The following AKAP19 variants were observed in gnomAD, a reference collection of about 807,000 sequenced individuals.
The protein encoded by AKAP19 is small A-kinase anchoring protein.
the AKAP19 span, among the ~76,000 whole-genome samples, chr2:189,953,772 G>A: frequency 7.2e-5 from 11 of 152,002 alleles, no homozygotes; most frequent in Admixed American, 2.6e-4. Context: ...ATTGATGCAC[G>A]TAAGTTAAGT....
At chr2:190,113,714 T>A in the AKAP19 span, among the ~76,000 whole-genome samples, 1 of 152,180 alleles carries the variant, frequency 6.6e-6, no homozygotes, top group South Asian at 2.1e-4. Flanking sequence ...TGGAGTGCAT[T>A]CTGCATGACT....
the AKAP19 span, among the ~76,000 whole-genome samples, chr2:190,159,083 G>A: frequency 5.9e-5 from 9 of 152,316 alleles, no homozygotes; most frequent in East Asian, 1.9e-4. Context: ...GCAGAAGGGC[G>A]TAGGGAACTA....
chr2:189,899,584 T>C, the AKAP19 span, among the ~76,000 whole-genome samples: 1 of 92,092 alleles, frequency 1.1e-5, no homozygotes, highest in Non-Finnish European at 3.0e-5. Context: ...CTTGTTTCTG[T>C]AATAAATTTG....
At chr2:190,125,198 G>A in the AKAP19 span, among the ~76,000 whole-genome samples, 6 of 152,154 alleles carry the variant, frequency 3.9e-5, no homozygotes, top group Non-Finnish European at 4.4e-5. Context: ...CCACAATCAT[G>A]TGAGTTGTGC....
the AKAP19 span, among the ~76,000 whole-genome samples, chr2:190,092,367 T>C: frequency 6.8e-6 from 1 of 148,068 alleles, no homozygotes; most frequent in Non-Finnish European, 1.5e-5. Context: ...TCCTACACAT[T>C]CCTTCTGAAT....
the AKAP19 span, among the ~76,000 whole-genome samples, chr2:189,913,027 G>T: frequency 1.3e-5 from 2 of 152,082 alleles, no homozygotes; most frequent in Admixed American, 1.3e-4. Context: ...ACTGGGAGAA[G>T]ATCTGATGCT....
At chr2:190,119,252 G>T in the AKAP19 span, among the ~76,000 whole-genome samples, 108 of 152,290 alleles carry the variant, frequency 7.1e-4, no homozygotes, top group Non-Finnish European at 1.3e-3. Flanking sequence ...GAAGGAAGAG[G>T]CTCCCCTATA....
the AKAP19 span, among the ~76,000 whole-genome samples, chr2:189,926,861 G>T: frequency 6.6e-6 from 1 of 151,912 alleles, no homozygotes; most frequent in Non-Finnish European, 1.5e-5. Flanking sequence ...GGGATTATAG[G>T]CATGAGCCAC....
At chr2:190,085,782 G>C in the AKAP19 span, among the ~76,000 whole-genome samples, 1 of 152,168 alleles carries the variant, frequency 6.6e-6, no homozygotes, top group Non-Finnish European at 1.5e-5. Flanking sequence ...TAAATGATCA[G>C]CTTTTGTTGC....
At chr2:189,969,983 C>T in the AKAP19 span, among the ~76,000 whole-genome samples, 52 of 150,962 alleles carry the variant, frequency 3.4e-4, 1 homozygote, top group African/African-American at 1.1e-3. Flanking sequence ...GGTGATTCTC[C>T]TACTTCAGCC....
chr2:189,953,583 C>A, the AKAP19 span, among the ~76,000 whole-genome samples: 1 of 145,162 alleles, frequency 6.9e-6, no homozygotes, highest in African/African-American at 2.6e-5. Context: ...GCAGTGAGCC[C>A]AGATTGCACC....
At chr2:190,059,983 G>T in the AKAP19 span, 1 of 1,437,706 alleles carries the variant, frequency 7.0e-7, no homozygotes, top group Non-Finnish European at 9.6e-7. Flanking sequence ...GGAATTTGTA[G>T]CTATTTTCCA....
chr2:189,903,651 T>G, the AKAP19 span, among the ~76,000 whole-genome samples: 1 of 152,094 alleles, frequency 6.6e-6, no homozygotes, highest in African/African-American at 2.4e-5. Context: ...AAATTTTGAC[T>G]TTTATTTTAG....
chr2:190,057,729 C>G, the AKAP19 span: 188 of 1,407,896 alleles, frequency 1.3e-4, no homozygotes, highest in Non-Finnish European at 1.7e-4. Context: ...AAGTAATAAA[C>G]TAATAATTTT....
chr2:190,128,988 A>G, the AKAP19 span, among the ~76,000 whole-genome samples: 1 of 152,202 alleles, frequency 6.6e-6, no homozygotes, highest in African/African-American at 2.4e-5. Flanking sequence ...TAATGATATG[A>G]CGTAAGCATA....
At chr2:190,160,786 A>G in the AKAP19 span, among the ~76,000 whole-genome samples, 8 of 152,168 alleles carry the variant, frequency 5.3e-5, no homozygotes, top group Non-Finnish European at 1.2e-4. Flanking sequence ...ATGAGGGATA[A>G]TAAATGTTTG....
At chr2:190,028,790 T>C in the AKAP19 span, among the ~76,000 whole-genome samples, 2 of 152,102 alleles carry the variant, frequency 1.3e-5, no homozygotes, top group African/African-American at 2.4e-5. Flanking sequence ...TCAAATAATA[T>C]AGATGGAAAA....
the AKAP19 span, among the ~76,000 whole-genome samples, chr2:190,051,965 G>A: frequency 2.5e-3 from 376 of 151,916 alleles, 3 homozygotes; most frequent in African/African-American, 8.3e-3. Context: ...AGCCTCCTCA[G>A]TAGCTGGGAC....
the AKAP19 span, chr2:190,199,902 C>A: frequency 7.1e-5 from 114 of 1,613,990 alleles, no homozygotes; most frequent in East Asian, 2.3e-3. Context: ...CATTTCCTAC[C>A]ATATATGAAG....
Sources: allele counts gnomAD v4.1 joint callset (sites outside exome capture counted in the v4.1 genomes callset), GRCh38; gene constraint gnomAD v4.1.1; transcripts MANE v1.5; gene names NCBI Gene and HGNC (gene_info 2026-07-23, HGNC 2026-07-21).